Variants in OXR1 observed in about 807,000 individuals in gnomAD.
The protein encoded by OXR1 is oxidation resistance 1.
Under a neutral mutation model 104.6 loss-of-function variants are expected in OXR1, and 41 were observed. The ratio of observed to expected loss-of-function variants is 0.39; its 90% CI spans 0.31 to 0.51. The LOEUF is 0.51. OXR1 is among the 20% of genes least tolerant of loss of function. The pLI is 0.77. For synonymous variants in OXR1, 348 were observed against 348.4 expected, an observed-to-expected ratio of 1.00 and a Z score of 0.01; for missense variants, 955 against 1,031.9, an observed-to-expected ratio of 0.93 and a Z score of 1.02.
At chr8:106,658,321 C>T (rs1825371885) in intron 3 of OXR1, 2 of 1,061,714 alleles carry the variant, frequency 1.9e-6, no homozygotes, top group Non-Finnish European at 2.4e-6. Flanking sequence ...GCAACGTGGC[C>T]GGGGTGGCGG....
At chr8:106,463,211 C>T (rs778103508) in intron 2 of OXR1, among the ~76,000 whole-genome samples, 8 of 152,124 alleles carry the variant, frequency 5.3e-5, no homozygotes, top group Non-Finnish European at 1.2e-4. Context: ...TCGATGCTCT[C>T]CTTACTTAAA....
chr8:106,672,772 G>A (rs1246327048), intron 3 of OXR1, among the ~76,000 whole-genome samples: 1 of 152,046 alleles, frequency 6.6e-6, no homozygotes, highest in East Asian at 1.9e-4. Flanking sequence ...GTGATAGTGA[G>A]GTCTCATGAG....
At chr8:106,685,098 A>G (rs1330402589) in intron 6 of OXR1, among the ~76,000 whole-genome samples, 1 of 152,084 alleles carries the variant, frequency 6.6e-6, no homozygotes, top group African/African-American at 2.4e-5. Context: ...TCTTCTTTAT[A>G]TAATTATGGC....
At chr8:106,338,552 G>A (rs10088211) in intron 1 of OXR1, among the ~76,000 whole-genome samples, 42,272 of 144,922 alleles carry the variant, frequency 0.29, 7,913 homozygotes, top group African/African-American at 0.54. Flanking sequence ...GACAGAGTGA[G>A]ACTCTGTCTC....
Position 106,710,657 on chromosome 8 carries a change from T to C in OXR1, c.1660T>C (p.Leu554=). ...ALLKEKQRHR[L]HKFLCLRVGK... is the part of the protein sequence containing the mutation. ...TTTAAAAGAAAAGCAAAGGCATCGA[T>C]TACATAAGTTCTTGTGTCTCAGAGT... The change falls in exon 10 of 17, where the codon TTA becomes CTA. Residue 554 remains leucine, a synonymous_variant. Transcript: ENST00000517566. 1.3e-6 allele frequency: 2 copies of C among 1,592,226 alleles called. No homozygotes were observed. Among genetic ancestry groups the C allele is most frequent in the African/African-American group, 1.4e-5 (1 of 73,802 alleles).
chr8:106,596,160 A>G (rs933943193), intron 3 of OXR1, among the ~76,000 whole-genome samples: 4 of 152,122 alleles, frequency 2.6e-5, no homozygotes, highest in African/African-American at 9.7e-5. Flanking sequence ...AAAACAGATG[A>G]AAGGGCTGGA....
intron 3 of OXR1, among the ~76,000 whole-genome samples, chr8:106,547,779 G>T (rs1047747424): frequency 6.6e-6 from 1 of 151,984 alleles, no homozygotes; most frequent in Admixed American, 6.6e-5. Context: ...CTGGGATTAC[G>T]GTTGTGAGCC....
At chr8:106,280,684 A>C (rs1166824005) in intron 1 of OXR1, among the ~76,000 whole-genome samples, 2 of 152,206 alleles carry the variant, frequency 1.3e-5, no homozygotes, top group African/African-American at 4.8e-5. Flanking sequence ...GTTTGAAGGT[A>C]CTGGATGTCA....
chr8:106,633,970 C>A (rs1822921332), intron 3 of OXR1, among the ~76,000 whole-genome samples: 1 of 152,116 alleles, frequency 6.6e-6, no homozygotes, highest in African/African-American at 2.4e-5. Flanking sequence ...TACAAAAAGG[C>A]TACATAATTC....
At chr8:106,396,994 C>T (rs191431775) in intron 2 of OXR1, among the ~76,000 whole-genome samples, 80 of 152,122 alleles carry the variant, frequency 5.3e-4, no homozygotes, top group African/African-American at 1.8e-3. Context: ...GAAAAACCCC[C>T]AGCAATTTGC....
intron 11 of OXR1, among the ~76,000 whole-genome samples, chr8:106,719,401 G>A (rs2131448178): frequency 6.6e-6 from 1 of 152,300 alleles, no homozygotes; most frequent in East Asian, 1.9e-4. Context: ...AGCTTCATCA[G>A]CTTATTTCTT....
intron 11 of OXR1, among the ~76,000 whole-genome samples, chr8:106,724,412 ACTTACT>A (rs1833135018): frequency 6.6e-6 from 1 of 152,148 alleles, no homozygotes; most frequent in African/African-American, 2.4e-5. Context: ...CAAGAAGGAG[ACTTACT>A]GAGCTCATTT....
intron 3 of OXR1, among the ~76,000 whole-genome samples, chr8:106,558,547 A>G (rs528433186): frequency 1.4e-4 from 21 of 152,248 alleles, no homozygotes; most frequent in African/African-American, 5.1e-4. Flanking sequence ...AATGTTGGCT[A>G]TGTTAGCCCT....
intron 2 of OXR1, among the ~76,000 whole-genome samples, chr8:106,467,377 C>T (rs1342266667): frequency 6.6e-6 from 1 of 151,744 alleles, no homozygotes; most frequent in East Asian, 1.9e-4. Context: ...TAGTGGGATT[C>T]ATCGGGTCTC....
At chr8:106,528,421 T>G (rs1813849985) in intron 3 of OXR1, among the ~76,000 whole-genome samples, 1 of 152,170 alleles carries the variant, frequency 6.6e-6, no homozygotes, top group Non-Finnish European at 1.5e-5. Flanking sequence ...ATTCCAAACT[T>G]AACGATGCAC....
chr8:106,286,555 C>A (rs921494967), intron 1 of OXR1, among the ~76,000 whole-genome samples: 1 of 152,142 alleles, frequency 6.6e-6, no homozygotes, highest in African/African-American at 2.4e-5. Flanking sequence ...GGTAACTTTT[C>A]TCTCCTGTTT....
At chr8:106,317,895 A>G (rs1184230598) in intron 1 of OXR1, among the ~76,000 whole-genome samples, 2 of 152,140 alleles carry the variant, frequency 1.3e-5, no homozygotes, top group Non-Finnish European at 2.9e-5. Context: ...AATAATGTGC[A>G]TTAATATTCC....
intron 3 of OXR1, among the ~76,000 whole-genome samples, chr8:106,618,692 T>C (rs1386933300): frequency 6.6e-6 from 1 of 152,238 alleles, no homozygotes; most frequent in Admixed American, 6.5e-5. Flanking sequence ...TCAAGTCACA[T>C]GCTCTCACTT....
intron 3 of OXR1, among the ~76,000 whole-genome samples, chr8:106,555,310 G>C (rs775326725): frequency 1.3e-5 from 2 of 152,088 alleles, no homozygotes; most frequent in African/African-American, 2.4e-5. Context: ...ATTGTGGAAT[G>C]GTCCAGGATC....
Sources: gnomAD v4.1 joint callset for allele counts (sites outside exome capture counted in the v4.1 genomes callset) on GRCh38, gnomAD v4.1.1 for gene constraint, MANE v1.5 for transcripts, NCBI Gene and HGNC (gene_info 2026-07-23, HGNC 2026-07-21) for gene names.